The following NEGR1 variants were observed in gnomAD, a reference collection of about 807,000 sequenced individuals.
NEGR1 encodes the protein IgLON family member 4.
In NEGR1, 10 loss-of-function variants were observed where a neutral mutation model predicts 40.9. The ratio of observed to expected loss-of-function variants is 0.24; its 90% CI spans 0.15 to 0.42. The LOEUF (loss-of-function observed/expected upper bound fraction) is 0.42, where lower values mean the gene tolerates loss of function less well. NEGR1 is among the 10% of genes least tolerant of loss of function. The pLI is 1.00. For synonymous variants in NEGR1, 185 were observed against 166.8 expected (o/e 1.11, Z -0.84); for missense variants, 352 against 438.9 (o/e 0.80, Z 1.77).
chr1:71,656,073 T>G (rs906180575), intron 4 of NEGR1, among the ~76,000 whole-genome samples: 1 of 152,176 alleles, frequency 6.6e-6, no homozygotes, highest in African/African-American at 2.4e-5. Flanking sequence ...AAATGAAGCT[T>G]GCCCAACTTC....
chr1:72,188,563 T>A (rs1490203443), intron 1 of NEGR1, among the ~76,000 whole-genome samples: 1 of 151,680 alleles, frequency 6.6e-6, no homozygotes, highest in Middle Eastern at 3.4e-3. Flanking sequence ...AGATAGTGCT[T>A]ATAACCTTCT....
intron 5 of NEGR1, among the ~76,000 whole-genome samples, chr1:71,593,980 A>G (rs1243228388): frequency 2.0e-5 from 3 of 152,314 alleles, no homozygotes; most frequent in African/African-American, 7.2e-5. Context: ...AAATTCCTCA[A>G]AAGGAAAGGC....
chr1:71,735,481 G>A (rs1410977422), intron 3 of NEGR1, among the ~76,000 whole-genome samples: 1 of 151,848 alleles, frequency 6.6e-6, no homozygotes, highest in African/African-American at 2.4e-5. Context: ...TGGTAAAGGG[G>A]GACATTGCCT....
intron 6 of NEGR1, among the ~76,000 whole-genome samples, chr1:71,438,905 GAGCA>G (rs755506348): frequency 6.6e-6 from 1 of 152,162 alleles, no homozygotes; most frequent in Non-Finnish European, 1.5e-5. Flanking sequence ...CTCACAGGAG[GAGCA>G]AGCTATACTG....
intron 2 of NEGR1, among the ~76,000 whole-genome samples, chr1:71,855,070 T>G (rs1659719428): frequency 6.6e-6 from 1 of 152,078 alleles, no homozygotes. Context: ...GAATTTAAGA[T>G]CCTCTACACT....
rs549211011 is a variant in NEGR1 at position 72,094,198 on chromosome 1, C to G, written c.177-158887G>C. Among the ~76,000 whole-genome samples the G allele has an allele frequency of 1.8e-4, 27 of 152,082 alleles. No individual in the cohort carries two copies. In the South Asian group the frequency reaches 4.6e-3, roughly 26 times the overall value. Reference sequence around the variant, plus strand: ...TAAAAAATAAGCTCACAAATGAATTCCTAATTGCACAATTAGAAAAGGGTT... The same window carrying G: ...TAAAAAATAAGCTCACAAATGAATTGCTAATTGCACAATTAGAAAAGGGTT... On this transcript the variant is annotated intron_variant, in intron 1 of 6. Transcript: ENST00000357731.
At position 71,400,717 on chromosome 1, in the gene NEGR1, AT is replaced by A. The variant is rs1646241562; in HGVS notation, c.*6728del. Reference sequence around the variant, plus strand: ...TCAAAGCTCAAAATGTTAGCAATGAATTTAATTCAATGGCTTTAAAAATTTT... The same window carrying A: ...TCAAAGCTCAAAATGTTAGCAATGAATTAATTCAATGGCTTTAAAAATTTT... On this transcript the variant is annotated 3_prime_UTR_variant, in exon 7 of 7. Transcript: ENST00000357731. 1 of 152,046 alleles carries A rather than the reference AT, an allele frequency of 6.6e-6. No homozygotes were observed. Among genetic ancestry groups the A allele is most frequent in the Non-Finnish European group, 1.5e-5 (1 of 68,020 alleles). 9.4% of individuals were successfully genotyped at this position (152,046 alleles called of 1,614,324 possible). A position where few individuals can be genotyped will look rare whatever the true frequency, so the allele number is the denominator to read the frequency against.
chr1:71,903,882 T>C (rs556936713), intron 2 of NEGR1, among the ~76,000 whole-genome samples: 2 of 151,978 alleles, frequency 1.3e-5, no homozygotes, highest in African/African-American at 2.4e-5. Flanking sequence ...TGAATGGATG[T>C]TATAAATGCT....
intron 1 of NEGR1, among the ~76,000 whole-genome samples, chr1:72,217,017 C>A (rs1232473291): frequency 6.6e-6 from 1 of 151,184 alleles, no homozygotes; most frequent in Non-Finnish European, 1.5e-5. Context: ...TTTATTAAGC[C>A]TCTTTATCTG....
chr1:72,001,718 T>G (rs887147235), intron 1 of NEGR1, among the ~76,000 whole-genome samples: 3 of 150,994 alleles, frequency 2.0e-5, no homozygotes, highest in Non-Finnish European at 4.4e-5. Flanking sequence ...GTATAATAGC[T>G]AGAGTAACCT....
At chr1:72,076,668 G>A (rs191335433) in intron 1 of NEGR1, among the ~76,000 whole-genome samples, 124 of 152,090 alleles carry the variant, frequency 8.2e-4, no homozygotes, top group African/African-American at 3.0e-3. Flanking sequence ...CCGTGTGTGC[G>A]TATGTGTGTG....
chr1:72,093,538 T>A (rs182876677), intron 1 of NEGR1, among the ~76,000 whole-genome samples: 2 of 152,200 alleles, frequency 1.3e-5, no homozygotes, highest in Non-Finnish European at 2.9e-5. Flanking sequence ...CTGTGGTCAT[T>A]ATGTTCCTGT....
intron 1 of NEGR1, among the ~76,000 whole-genome samples, chr1:72,269,592 T>C (rs1655774443): frequency 6.6e-6 from 1 of 151,836 alleles, no homozygotes; most frequent in Admixed American, 6.6e-5. Context: ...TATGAGGTTG[T>C]TTCCCCATTT....
chr1:72,234,941 A>T (rs1654499089), intron 1 of NEGR1, among the ~76,000 whole-genome samples: 2 of 152,174 alleles, frequency 1.3e-5, no homozygotes, highest in Admixed American at 1.3e-4. Context: ...AATATAATTC[A>T]GTCTATTATG....
intron 3 of NEGR1, among the ~76,000 whole-genome samples, chr1:71,729,816 T>C (rs1282211704): frequency 1.3e-5 from 2 of 150,988 alleles, no homozygotes; most frequent in African/African-American, 4.9e-5. Context: ...TTTTGTTTTT[T>C]TGTTTTGTTT....
chr1:71,976,711 C>T (rs1355120410), intron 1 of NEGR1, among the ~76,000 whole-genome samples: 1 of 151,906 alleles, frequency 6.6e-6, no homozygotes, highest in African/African-American at 2.4e-5. Context: ...TTATAACCTC[C>T]TTTTGTCTTT....
At chr1:72,254,387 C>T (rs1450893900) in intron 1 of NEGR1, among the ~76,000 whole-genome samples, 2 of 152,002 alleles carry the variant, frequency 1.3e-5, no homozygotes, top group Non-Finnish European at 2.9e-5. Flanking sequence ...ACCATCGCTC[C>T]CACTTCATGT....
intron 4 of NEGR1, among the ~76,000 whole-genome samples, chr1:71,655,859 G>A (rs921478893): frequency 3.9e-5 from 6 of 152,140 alleles, no homozygotes; most frequent in African/African-American, 9.7e-5. Flanking sequence ...AGAGGGCATC[G>A]TGACTTAATC....
chr1:71,531,291 G>A (rs899780914), intron 6 of NEGR1, among the ~76,000 whole-genome samples: 3 of 151,338 alleles, frequency 2.0e-5, no homozygotes, highest in African/African-American at 7.3e-5. Flanking sequence ...TGTTTGAGTA[G>A]ATAAGAAAGG....
Sources: gnomAD v4.1 joint callset for allele counts (sites outside exome capture counted in the v4.1 genomes callset) on GRCh38, gnomAD v4.1.1 for gene constraint, MANE v1.5 for transcripts, NCBI Gene and HGNC (gene_info 2026-07-23, HGNC 2026-07-21) for gene names.